Variants in SFMBT2 observed in about 807,000 individuals in gnomAD.
SFMBT2 encodes Scm like with four mbt domains 2, also known as scm-like with four MBT domains protein 2.
SFMBT2 carries 38 observed loss-of-function variants against 110.1 expected under a neutral mutation model. That is an observed-to-expected ratio of 0.35 (90% CI 0.27 to 0.45). The LOEUF is 0.45. Among genes scored for constraint, SFMBT2 ranks in the 20% least tolerant of loss-of-function variants. SFMBT2 has a pLI of 1.00. For missense variants in SFMBT2, 1,011 were observed against 1,094.9 expected, an observed-to-expected ratio of 0.92 and a Z score of 1.08; for synonymous variants, 425 against 425.4, an observed-to-expected ratio of 1.00 and a Z score of 0.01.
At position 7,285,974 on chromosome 10, in the gene SFMBT2, A is replaced by T. The variant is rs1411150756; in HGVS notation, c.437-20T>A. ...TGATTGCTGGCAAGACAAAGGAGAA[A>T]GAAAAACAAAACAAAACAAAAAAAA... On this transcript the variant is annotated intron_variant, in intron 4 of 20. Coordinates refer to ENST00000397167, the MANE Select transcript of SFMBT2 (RefSeq NM_001387889.1). 1.2e-6 allele frequency: 1 copy of T among 865,484 alleles called. No homozygotes were observed. Among genetic ancestry groups the T allele is most frequent in the African/African-American group, 1.6e-5 (1 of 61,052 alleles). 53.6% of individuals were successfully genotyped at this position (865,484 alleles called of 1,614,324 possible). A position where few individuals can be genotyped will look rare whatever the true frequency, so the allele number is the denominator to read the frequency against.
At chr10:7,228,368 T>TA in intron 9 of SFMBT2, 1 of 720,742 alleles carries the variant, frequency 1.4e-6, no homozygotes, top group Non-Finnish European at 1.6e-6. Context: ...TACTGGGAAA[T>TA]AAAAAATTAA....
intron 4 of SFMBT2, among the ~76,000 whole-genome samples, chr10:7,366,496 C>T (rs1357149464): frequency 6.6e-6 from 1 of 151,476 alleles, no homozygotes; most frequent in Non-Finnish European, 1.5e-5. Flanking sequence ...ACTGCTAATA[C>T]CACAAACAGA....
rs367818456 is a variant in SFMBT2 at position 7,243,538 on chromosome 10, T to C, written c.1120+20A>G. The C allele has an allele frequency of 2.3e-6, 2 of 872,278 alleles. No individual in the cohort carries two copies. The highest frequency in any genetic ancestry group is 1.3e-5 in the South Asian group (1 of 76,504). The allele number at this position is 872,278 out of a possible 1,614,324, so 54.0% of individuals were successfully genotyped here. On this transcript the variant is annotated intron_variant, in intron 9 of 20. Coordinates refer to ENST00000397167, the MANE Select transcript of SFMBT2 (RefSeq NM_001387889.1). Reference sequence around the variant, plus strand: ...CCCTCCTGAATCTCCAGACCCTGCATACCTTCACAGAATACAAACCTTTGG... The same window carrying C: ...CCCTCCTGAATCTCCAGACCCTGCACACCTTCACAGAATACAAACCTTTGG...
At chr10:7,363,019 G>T (rs1387289846) in intron 4 of SFMBT2, among the ~76,000 whole-genome samples, 1 of 152,134 alleles carries the variant, frequency 6.6e-6, no homozygotes, top group African/African-American at 2.4e-5. Context: ...AGACTAGAAA[G>T]CTCTTTAGAG....
intron 7 of SFMBT2, among the ~76,000 whole-genome samples, chr10:7,261,383 ACT>A (rs1177460423): frequency 6.6e-6 from 1 of 151,554 alleles, no homozygotes; most frequent in African/African-American, 2.4e-5. Context: ...GGTTTGTAAC[ACT>A]CTGGCCATGC....
intron 4 of SFMBT2, among the ~76,000 whole-genome samples, chr10:7,325,246 G>A (rs1035487632): frequency 6.6e-6 from 1 of 151,854 alleles, no homozygotes; most frequent in Admixed American, 6.6e-5. Flanking sequence ...GGGATTACAC[G>A]CCTGAGCCAC....
upstream of SFMBT2, chr10:7,411,436 T>C (rs1006165702): frequency 8.5e-5 from 13 of 152,224 alleles, no homozygotes; most frequent in African/African-American, 3.1e-4. Flanking sequence ...CTGCGGTTCG[T>C]GAGCTGGGTT....
At chr10:7,363,322 C>A (rs1045101556) in intron 4 of SFMBT2, among the ~76,000 whole-genome samples, 1 of 152,078 alleles carries the variant, frequency 6.6e-6, no homozygotes, top group African/African-American at 2.4e-5. Context: ...GCCTCCCCAG[C>A]CATGTGGAAC....
At chr10:7,228,769 T>TCCCCCTCC in intron 9 of SFMBT2, among the ~76,000 whole-genome samples, 1 of 132,982 alleles carries the variant, frequency 7.5e-6, no homozygotes, top group African/African-American at 2.6e-5. Context: ...TCTCTCTCTC[T>TCCCCCTCC]CTCTCTCTCT....
chr10:7,207,043 T>C (rs1839158752), intron 11 of SFMBT2: 1 of 330,234 alleles, frequency 3.0e-6, no homozygotes, highest in South Asian at 1.2e-4. Flanking sequence ...CTCAGTAACA[T>C]GGCAAGACCT....
At chr10:7,369,891 A>C (rs1588487812) in intron 3 of SFMBT2, among the ~76,000 whole-genome samples, 1 of 151,882 alleles carries the variant, frequency 6.6e-6, no homozygotes. Context: ...ACAGGGTTTC[A>C]CTCTATCACC....
chr10:7,368,923 G>A (rs1228034029), intron 3 of SFMBT2, among the ~76,000 whole-genome samples: 1 of 152,130 alleles, frequency 6.6e-6, no homozygotes, highest in Admixed American at 6.5e-5. Context: ...TGAGTATAAA[G>A]AGAAATGGAA....
chr10:7,292,348 C>A (rs1223752033), intron 4 of SFMBT2: 1 of 220,608 alleles, frequency 4.5e-6, no homozygotes, highest in Admixed American at 6.5e-5. Context: ...TGACAGAGTT[C>A]TTTCCCTTGG....
intron 11 of SFMBT2, chr10:7,215,633 G>T: frequency 1.0e-6 from 1 of 985,342 alleles, no homozygotes; most frequent in Non-Finnish European, 1.2e-6. Context: ...ATCCATGGAG[G>T]CAGGGCCCCG....
intron 15 of SFMBT2, among the ~76,000 whole-genome samples, chr10:7,190,875 T>C (rs111258970): frequency 0.027 from 4,162 of 152,308 alleles, 63 homozygotes; most frequent in Admixed American, 0.039. Context: ...CCATGTGTTG[T>C]GGGAGGAACC....
intron 11 of SFMBT2, among the ~76,000 whole-genome samples, chr10:7,213,001 G>A (rs1564386684): frequency 1.3e-5 from 2 of 151,982 alleles, no homozygotes; most frequent in African/African-American, 4.8e-5. Context: ...AACACTGTAC[G>A]TTCTCACTCA....
At chr10:7,272,333 A>G (rs961955836) in intron 7 of SFMBT2, among the ~76,000 whole-genome samples, 3 of 152,214 alleles carry the variant, frequency 2.0e-5, no homozygotes, top group African/African-American at 7.2e-5. Flanking sequence ...GCTGATGAAG[A>G]AGAAGTGAGT....
chr10:7,218,791 G>A (rs986038072), intron 11 of SFMBT2, among the ~76,000 whole-genome samples: 59 of 152,282 alleles, frequency 3.9e-4, no homozygotes, highest in African/African-American at 1.3e-3. Context: ...GTGGGAAGCC[G>A]TAGGGTCTGG....
At chr10:7,322,141 C>G (rs1436345867) in intron 4 of SFMBT2, among the ~76,000 whole-genome samples, 1 of 152,192 alleles carries the variant, frequency 6.6e-6, no homozygotes, top group African/African-American at 2.4e-5. Context: ...GGAATTGAAT[C>G]ATGGGGGTGG....
Sources: gnomAD v4.1 joint callset for allele counts (sites outside exome capture counted in the v4.1 genomes callset) on GRCh38, gnomAD v4.1.1 for gene constraint, MANE v1.5 for transcripts, NCBI Gene and HGNC (gene_info 2026-07-23, HGNC 2026-07-21) for gene names.